The following CEP68 variants were observed in gnomAD, a reference collection of about 807,000 sequenced individuals.
CEP68 encodes centrosomal protein of 68 kDa.
A neutral mutation model predicts 55.3 loss-of-function variants in CEP68; 26 were observed. That is an observed-to-expected ratio of 0.47 (90% CI 0.34 to 0.65). The LOEUF is 0.65. Ranked by LOEUF, CEP68 falls within the 30% of genes least tolerant of loss-of-function variation. The pLI is 0.01. For missense variants in CEP68, 957 were observed against 946.7 expected, an observed-to-expected ratio of 1.01 and a Z score of -0.14; for synonymous variants, 402 against 383.2, an observed-to-expected ratio of 1.05 and a Z score of -0.57.
At chr2:65,058,753 C>T (rs1477476293) in intron 1 of CEP68, among the ~76,000 whole-genome samples, 1 of 152,040 alleles carries the variant, frequency 6.6e-6, no homozygotes, top group East Asian at 1.9e-4. Flanking sequence ...GTGATCCACC[C>T]ACTTCAGCCT....
chr2:65,072,131 C>T lies in CEP68; in HGVS notation c.1035C>T (p.Ser345=). 1 of 1,614,090 alleles carries T rather than the reference C, an allele frequency of 6.2e-7. No homozygotes were observed. Among genetic ancestry groups the T allele is most frequent in the African/African-American group, 1.3e-5 (1 of 75,016 alleles). The change falls in exon 3 of 7, where the codon AGC becomes AGT. Residue 345 remains serine (S), a synonymous_variant. Transcript: ENST00000377990. ...ATAGCTTCTCTGTCTCTCCAGCAAG[C>T]ACCCTCAAATCACCTACTAATGTCT... is the stretch of plus-strand genomic sequence containing the variant. The part of the protein sequence containing the change: ...DLDSFSVSPA[S]TLKSPTNVSP...
At position 65,072,028 on chromosome 2, in the gene CEP68, C is replaced by T. The variant is rs1325085622; in HGVS notation, c.932C>T (p.Pro311Leu). Residue 311 changes from proline (P) to leucine (L), a missense_variant, in exon 3 of 7, where the codon CCC becomes CTC. Transcript: ENST00000377990. Reference protein sequence around the residue: ...DLLDYTYPLRPGPQLPKHLDS... With the variant: ...DLLDYTYPLRLGPQLPKHLDS... ...CTTGACTATACTTACCCACTGAGGCCCGGGCCTCAGCTCCCAAAGCACCTT... is the reference window on the plus strand; with the variant it reads ...CTTGACTATACTTACCCACTGAGGCTCGGGCCTCAGCTCCCAAAGCACCTT... 1.2e-6 allele frequency: 2 copies of T among 1,613,526 alleles called. No homozygotes were observed. The highest frequency in any genetic ancestry group is 1.7e-6 in the Non-Finnish European group (2 of 1,179,988).
rs1356862168 is a variant in CEP68 at position 65,072,725 on chromosome 2, T to C, written c.1629T>C (p.Ala543=). 3 of 1,614,146 alleles carry C rather than the reference T, an allele frequency of 1.9e-6. No individual in the cohort carries two copies. Among genetic ancestry groups the C allele is most frequent in the Non-Finnish European group, 2.5e-6 (3 of 1,180,022 alleles). Residue 543 remains alanine, a synonymous_variant, in exon 3 of 7, where the codon GCT becomes GCC. Transcript: ENST00000377990. ...SSSQSQLPPG[A]ALQGSGDPEG... Reference sequence around the variant, plus strand: ...GCCAAAGCCAGCTTCCCCCTGGAGCTGCCCTCCAAGGATCTGGGGATCCTG... The same window carrying C: ...GCCAAAGCCAGCTTCCCCCTGGAGCCGCCCTCCAAGGATCTGGGGATCCTG...
intron 2 of CEP68, 61 bp downstream of exon 2, chr2:65,069,862 AT>A: frequency 7.2e-7 from 1 of 1,397,848 alleles, no homozygotes. Flanking sequence ...TTTGTTCAGG[AT>A]TTCCTCACCA....
chr2:65,060,687 T>C (rs1167238460), intron 1 of CEP68, among the ~76,000 whole-genome samples: 1 of 152,184 alleles, frequency 6.6e-6, no homozygotes, highest in African/African-American at 2.4e-5. Context: ...ATAAGGAAGG[T>C]GTTTTTCTGC....
intron 1 of CEP68, among the ~76,000 whole-genome samples, chr2:65,062,968 C>T (rs757236008): frequency 6.6e-6 from 1 of 152,208 alleles, no homozygotes; most frequent in Non-Finnish European, 1.5e-5. Flanking sequence ...AGTTCCCAGT[C>T]CTCCTCTCTC....
chr2:65,059,713 C>G (rs1330503150), intron 1 of CEP68, among the ~76,000 whole-genome samples: 1 of 152,144 alleles, frequency 6.6e-6, no homozygotes. Flanking sequence ...GCCTTACTTA[C>G]CAACCCAGTG....
At chr2:65,069,154 C>G (rs984458992) in intron 1 of CEP68, among the ~76,000 whole-genome samples, 1 of 152,186 alleles carries the variant, frequency 6.6e-6, no homozygotes, top group Non-Finnish European at 1.5e-5. Context: ...TCTTGGGTTT[C>G]TGCTGGTGGG....
At chr2:65,058,741 A>C (rs768744619) in intron 1 of CEP68, among the ~76,000 whole-genome samples, 26 of 152,014 alleles carry the variant, frequency 1.7e-4, no homozygotes, top group Non-Finnish European at 3.4e-4. Context: ...TCCTGACCTC[A>C]GGTGATCCAC....
At chr2:65,060,921 A>G (rs1250006975) in intron 1 of CEP68, among the ~76,000 whole-genome samples, 1 of 152,208 alleles carries the variant, frequency 6.6e-6, no homozygotes, top group Non-Finnish European at 1.5e-5. Flanking sequence ...TCACGCCTGT[A>G]ATCCCAGCAC....
At position 65,072,608 on chromosome 2, in the gene CEP68, CT is replaced by C; in HGVS notation, c.1514del (p.Leu505TrpfsTer83). On this transcript the variant is annotated frameshift_variant, in exon 3 of 7. Coordinates refer to ENST00000377990, the MANE Select transcript of CEP68 (RefSeq NM_015147.3). LOFTEE classifies it high-confidence loss of function. Reference sequence around the variant, plus strand: ...TTTCGTATCTAGGATCCATTTCTACCTTGGTTACCCTGCCCACTGGGGATAT... The same window carrying C: ...TTTCGTATCTAGGATCCATTTCTACCTGGTTACCCTGCCCACTGGGGATAT... ...LVSYLGSIST[L>X]VTLPTGDIKG... is the part of the protein sequence containing the mutation. 6.2e-7 allele frequency: 1 copy of C among 1,614,100 alleles called. No homozygotes were observed. The highest frequency in any genetic ancestry group is 8.5e-7 in the Non-Finnish European group (1 of 1,179,994).
In CEP68 at chr2:65,061,262, G is replaced by C. The variant is rs541582155; in HGVS notation, c.-47+4734G>C. On this transcript the variant is annotated intron_variant, in intron 1 of 6. Coordinates refer to ENST00000377990, the MANE Select transcript of CEP68 (RefSeq NM_015147.3). ...TGCTGGGAGGCTGTCTGGTAGCCCT[G>C]GTCAGTCAGCCAACAGATAAGTGAG... 1.4e-4 allele frequency among the ~76,000 whole-genome samples: 21 copies of C among 152,298 alleles called. 1 individual carries two copies. The South Asian group carries it at 4.4e-3, about 32-fold the overall frequency.
intron 6 of CEP68, 43 bp downstream of exon 6, chr2:65,082,752 G>A: frequency 6.8e-7 from 1 of 1,472,970 alleles, no homozygotes. Flanking sequence ...CACCAACCCT[G>A]CTGTAACAGT....
intron 1 of CEP68, among the ~76,000 whole-genome samples, chr2:65,063,410 G>A (rs1363729135): frequency 6.6e-6 from 1 of 152,220 alleles, no homozygotes; most frequent in Non-Finnish European, 1.5e-5. Flanking sequence ...GGCGACGGGG[G>A]CCTGTGCCCC....
chr2:65,079,872 G>A (rs1196358627), intron 5 of CEP68, among the ~76,000 whole-genome samples: 1 of 152,218 alleles, frequency 6.6e-6, no homozygotes, highest in African/African-American at 2.4e-5. Flanking sequence ...GGTGGTTCAC[G>A]CCTGTAATCC....
At chr2:65,071,362 T>C (rs1420785255) in intron 2 of CEP68, 92 bp from the exon 3 acceptor site, 1 of 1,092,918 alleles carries the variant, frequency 9.1e-7, no homozygotes, top group African/African-American at 1.6e-5. Flanking sequence ...AAATACTGTC[T>C]AGACCCACAA....
rs756333859 is a variant in CEP68 at position 65,072,732 on chromosome 2, C to T, written c.1636C>T (p.Gln546Ter). ...CCAGCTTCCCCCTGGAGCTGCCCTC[C>T]AAGGATCTGGGGATCCTGAGGGCCA... ...QSQLPPGAAL[Q>*]GSGDPEGQNP... The change falls in exon 3 of 7, where the codon CAA (glutamine) becomes TAA (stop). Residue 546 changes from glutamine to a stop codon, truncating the protein, a stop_gained. Coordinates refer to ENST00000377990, the MANE Select transcript of CEP68 (RefSeq NM_015147.3). LOFTEE classifies it high-confidence loss of function. 6.2e-7 allele frequency: 1 copy of T among 1,614,132 alleles called. No homozygotes were observed. Among genetic ancestry groups the T allele is most frequent in the South Asian group, 1.1e-5 (1 of 91,082 alleles).
rs140336474 is a variant in CEP68, at chr2:65,074,829, A to T, written c.2007+425A>T. 15 of 246,978 alleles carry T rather than the reference A, an allele frequency of 6.1e-5. No individual in the cohort carries two copies. In the East Asian group the frequency reaches 1.6e-3, roughly 26 times the overall value. The allele number at this position is 246,978 out of a possible 1,614,324, so 15.3% of individuals were successfully genotyped here. On this transcript the variant is annotated intron_variant, in intron 4 of 6. Transcript: ENST00000377990. ...CAAAAATACTTTAGGGTGATTTGCA[A>T]TATAATTTTCCAAATGTCTCAGGGA...
At chr2:65,073,786 G>A (rs1433736653) in intron 3 of CEP68, 1 of 161,576 alleles carries the variant, frequency 6.2e-6, no homozygotes, top group African/African-American at 2.4e-5. Context: ...AGGTGACGTG[G>A]TTATTTTGTC....
Sources: gnomAD v4.1 joint callset for allele counts (sites outside exome capture counted in the v4.1 genomes callset) on GRCh38, gnomAD v4.1.1 for gene constraint, MANE v1.5 for transcripts, NCBI Gene and HGNC (gene_info 2026-07-23, HGNC 2026-07-21) for gene names.